Variants in NRXN3 observed in about 807,000 individuals in gnomAD.
The protein encoded by NRXN3 is neurexin III.
NRXN3 carries 32 observed loss-of-function variants against 137.6 expected under a neutral mutation model. The ratio of observed to expected loss-of-function variants is 0.23; its 90% CI spans 0.18 to 0.31. NRXN3 has a LOEUF of 0.31. Among genes scored for constraint, NRXN3 ranks in the 10% least tolerant of loss-of-function variants. NRXN3 has a pLI of 1.00. For missense variants in NRXN3, 1,574 were observed against 2,062.5 expected, an observed-to-expected ratio of 0.76 and a Z score of 4.59; for synonymous variants, 798 against 784.5, an observed-to-expected ratio of 1.02 and a Z score of -0.29.
chr14:78,175,961 C>T (rs1292011310), intron 1 of NRXN3, among the ~76,000 whole-genome samples: 1 of 152,176 alleles, frequency 6.6e-6, no homozygotes, highest in South Asian at 2.1e-4. Flanking sequence ...AGAATGCAAG[C>T]TCTGAGAGGT....
chr14:79,733,568 A>C (rs2098931555), intron 19 of NRXN3, among the ~76,000 whole-genome samples: 1 of 152,194 alleles, frequency 6.6e-6, no homozygotes, highest in Admixed American at 6.5e-5. Context: ...GTGTGAGAGC[A>C]GACAGTTTCT....
chr14:78,587,637 A>T (rs1172221522), intron 4 of NRXN3, among the ~76,000 whole-genome samples: 2 of 152,196 alleles, frequency 1.3e-5, no homozygotes, highest in Non-Finnish European at 2.9e-5. Flanking sequence ...TTATCCCTCT[A>T]CACATTCGCA....
At chr14:78,618,553 A>G (rs2097368760) in intron 4 of NRXN3, among the ~76,000 whole-genome samples, 1 of 152,180 alleles carries the variant, frequency 6.6e-6, no homozygotes, top group African/African-American at 2.4e-5. Context: ...AAAACTGTGC[A>G]TTCTGTGAAT....
At chr14:79,661,011 C>T (rs1180947323) in intron 16 of NRXN3, among the ~76,000 whole-genome samples, 1 of 151,882 alleles carries the variant, frequency 6.6e-6, no homozygotes, top group East Asian at 1.9e-4. Flanking sequence ...TAAGAGAAAG[C>T]AGAAAAGTCA....
intron 19 of NRXN3, among the ~76,000 whole-genome samples, chr14:79,768,789 C>G (rs1296384095): frequency 6.6e-6 from 1 of 152,186 alleles, no homozygotes; most frequent in Non-Finnish European, 1.5e-5. Context: ...CTTTGACGAG[C>G]TGAGAGAAGA....
intron 16 of NRXN3, among the ~76,000 whole-genome samples, chr14:79,474,827 G>A (rs537593912): frequency 5.3e-5 from 8 of 152,052 alleles, no homozygotes; most frequent in African/African-American, 1.9e-4. Context: ...AGGAAGAGAG[G>A]GAAAGAGGAG....
intron 8 of NRXN3, among the ~76,000 whole-genome samples, chr14:78,767,358 C>T (rs1208674442): frequency 6.6e-6 from 1 of 152,154 alleles, no homozygotes; most frequent in African/African-American, 2.4e-5. Flanking sequence ...CTAATGTAAT[C>T]ACAGGAATAA....
chr14:78,203,096 C>A (rs955187184), intron 1 of NRXN3, among the ~76,000 whole-genome samples: 1 of 152,174 alleles, frequency 6.6e-6, no homozygotes, highest in African/African-American at 2.4e-5. Flanking sequence ...TCTCTTTACA[C>A]ATGAGATGTT....
chr14:79,388,586 AT>A (rs1218248978), intron 15 of NRXN3, among the ~76,000 whole-genome samples: 1 of 152,064 alleles, frequency 6.6e-6, no homozygotes, highest in African/African-American at 2.4e-5. Flanking sequence ...ATGACAAAGC[AT>A]GACAGGCAGG....
chr14:78,784,995 G>A (rs188220420), intron 8 of NRXN3, among the ~76,000 whole-genome samples: 106 of 152,234 alleles, frequency 7.0e-4, no homozygotes, highest in Middle Eastern at 3.4e-3. Flanking sequence ...GATCATATGC[G>A]ATTTAGAATT....
At chr14:79,552,618 G>T (rs2097384537) in intron 16 of NRXN3, among the ~76,000 whole-genome samples, 1 of 152,130 alleles carries the variant, frequency 6.6e-6, no homozygotes, top group Non-Finnish European at 1.5e-5. Context: ...TTTTCATAGG[G>T]GAGAGGGAAA....
intron 15 of NRXN3, among the ~76,000 whole-genome samples, chr14:79,109,837 T>G (rs570146150): frequency 2.6e-5 from 4 of 152,120 alleles, no homozygotes; most frequent in African/African-American, 4.8e-5. Context: ...TTGGCCTACC[T>G]TCCCAGTACC....
At chr14:78,705,000 T>C (rs2098331306) in intron 6 of NRXN3, among the ~76,000 whole-genome samples, 1 of 152,214 alleles carries the variant, frequency 6.6e-6, no homozygotes, top group Admixed American at 6.5e-5. Context: ...GCTGTTTTAC[T>C]GTCTGGTCTC....
intron 15 of NRXN3, among the ~76,000 whole-genome samples, chr14:79,040,210 G>T (rs1375221126): frequency 6.6e-6 from 1 of 152,176 alleles, no homozygotes; most frequent in Non-Finnish European, 1.5e-5. Context: ...TCTAAGATCA[G>T]GAATCCTGCC....
At chr14:78,204,923 T>G (rs1014582065) in intron 1 of NRXN3, among the ~76,000 whole-genome samples, 4 of 152,220 alleles carry the variant, frequency 2.6e-5, no homozygotes, top group African/African-American at 9.6e-5. Context: ...TGGAGTTCTT[T>G]GGAAGTTTTC....
intron 15 of NRXN3, among the ~76,000 whole-genome samples, chr14:79,364,381 C>T (rs2093798112): frequency 6.6e-6 from 1 of 152,190 alleles, no homozygotes; most frequent in African/African-American, 2.4e-5. Context: ...ACACCTCTTT[C>T]TGTAAGTATT....
chr14:78,681,460 A>G (rs1202585995), intron 6 of NRXN3, among the ~76,000 whole-genome samples: 2 of 152,206 alleles, frequency 1.3e-5, no homozygotes, highest in African/African-American at 2.4e-5. Flanking sequence ...GACCCTCTCC[A>G]TATTTTCAGT....
chr14:78,268,260 C>T (rs1286697110), intron 2 of NRXN3, among the ~76,000 whole-genome samples: 3 of 151,644 alleles, frequency 2.0e-5, no homozygotes, highest in Non-Finnish European at 2.9e-5. Flanking sequence ...ATTTACTGGA[C>T]CACCGTTTTG....
intron 4 of NRXN3, among the ~76,000 whole-genome samples, chr14:78,581,682 A>G (rs1328656959): frequency 6.6e-6 from 1 of 152,176 alleles, no homozygotes; most frequent in Non-Finnish European, 1.5e-5. Flanking sequence ...GAAGACAGGG[A>G]CACATTTATG....
Sources: gnomAD v4.1 joint callset for allele counts (sites outside exome capture counted in the v4.1 genomes callset) on GRCh38, gnomAD v4.1.1 for gene constraint, MANE v1.5 for transcripts, NCBI Gene and HGNC (gene_info 2026-07-23, HGNC 2026-07-21) for gene names.